GRB10: variants seen among roughly 807,000 people sequenced by gnomAD.
GRB10 encodes the protein growth factor receptor-bound protein 10.
In GRB10, 20 loss-of-function variants were observed where a neutral mutation model predicts 80.9. The observed-to-expected ratio is 0.25, with a 90% CI of 0.17 to 0.36. The LOEUF is 0.36. GRB10 is among the 10% of genes least tolerant of loss of function. GRB10 has a pLI of 1.00. For missense variants in GRB10, 548 were observed against 747.7 expected, an observed-to-expected ratio of 0.73 and a Z score of 3.12; for synonymous variants, 291 against 291.5, an observed-to-expected ratio of 1.00 and a Z score of 0.02.
At chr7:50,622,325 C>T (rs780789586) in intron 8 of GRB10, among the ~76,000 whole-genome samples, 9 of 152,196 alleles carry the variant, frequency 5.9e-5, no homozygotes, top group African/African-American at 9.7e-5. Context: ...AGTCAACAGG[C>T]GCCGGCTGTT....
chr7:50,754,432 T>C (rs1021910031), intron 3 of GRB10, among the ~76,000 whole-genome samples: 5 of 151,916 alleles, frequency 3.3e-5, no homozygotes. Context: ...CAGTGGCAGG[T>C]GGGGGAGGTC....
At chr7:50,729,973 T>G (rs2069368812) in intron 4 of GRB10, among the ~76,000 whole-genome samples, 1 of 152,138 alleles carries the variant, frequency 6.6e-6, no homozygotes, top group Non-Finnish European at 1.5e-5. Flanking sequence ...TGACTCAGCT[T>G]CTAAAGGATG....
intron 5 of GRB10, among the ~76,000 whole-genome samples, chr7:50,689,812 G>A (rs561151719): frequency 1.3e-5 from 2 of 151,918 alleles, no homozygotes; most frequent in Non-Finnish European, 2.9e-5. Flanking sequence ...GCAAATGACA[G>A]AGGGTTTTTT....
rs2078182276 is a variant in GRB10 at position 50,780,622 on chromosome 7, C to T, written c.-217+5G>A. 6.6e-6 allele frequency: 1 copy of T among 152,232 alleles called. No homozygotes were observed. Among genetic ancestry groups the T allele is most frequent in the African/African-American group, 2.4e-5 (1 of 41,450 alleles). 9.4% of individuals were successfully genotyped at this position (152,232 alleles called of 1,614,324 possible). ...AGCTCAGAGCTGGGGCCTGGGGATA[C>T]ATACCGAGAGGCAGTCAGCTCTGAT... On this transcript the variant is annotated splice_donor_5th_base_variant and intron_variant, in intron 2 of 18. Coordinates refer to ENST00000401949, the MANE Select transcript of GRB10 (RefSeq NM_001350814.2).
intron 7 of GRB10, among the ~76,000 whole-genome samples, chr7:50,644,259 C>G (rs2056791458): frequency 6.6e-6 from 1 of 152,288 alleles, no homozygotes; most frequent in East Asian, 1.9e-4. Flanking sequence ...GGCCCTGGAA[C>G]TGGGTCCCTA....
At chr7:50,623,918 T>A (rs1457052222) in intron 8 of GRB10, among the ~76,000 whole-genome samples, 2 of 152,196 alleles carry the variant, frequency 1.3e-5, no homozygotes, top group East Asian at 3.8e-4. Context: ...GCATTTCCAT[T>A]GAGCATCAAA....
At chr7:50,649,791 G>T (rs567354270) in intron 7 of GRB10, among the ~76,000 whole-genome samples, 2 of 152,300 alleles carry the variant, frequency 1.3e-5, no homozygotes, top group South Asian at 4.1e-4. Flanking sequence ...TCCAAAGGGG[G>T]AATCAAGGAT....
At chr7:50,700,930 G>C (rs1359911670) in intron 5 of GRB10, among the ~76,000 whole-genome samples, 1 of 152,216 alleles carries the variant, frequency 6.6e-6, no homozygotes, top group Non-Finnish European at 1.5e-5. Flanking sequence ...TCTGTCTGTT[G>C]GGTAGAGGGA....
At chr7:50,741,931 TG>T (rs1473009670) in intron 3 of GRB10, among the ~76,000 whole-genome samples, 2 of 151,948 alleles carry the variant, frequency 1.3e-5, no homozygotes, top group Non-Finnish European at 2.9e-5. Flanking sequence ...TGAAATACAA[TG>T]ATTTTTAATC....
chr7:50,642,790 A>T (rs1367184771), intron 7 of GRB10, among the ~76,000 whole-genome samples: 2 of 152,192 alleles, frequency 1.3e-5, no homozygotes, highest in Non-Finnish European at 2.9e-5. Flanking sequence ...TACATACATT[A>T]GTTTTCTATT....
chr7:50,669,986 G>A (rs2060194916), intron 6 of GRB10, 123 bp from the exon 7 acceptor site: 10 of 1,202,568 alleles, frequency 8.3e-6, no homozygotes, highest in African/African-American at 6.0e-5. Context: ...GCATGCCCAC[G>A]TTCACAGTGG....
intron 7 of GRB10, among the ~76,000 whole-genome samples, chr7:50,668,454 C>G (rs2060032454): frequency 6.6e-6 from 1 of 152,184 alleles, no homozygotes; most frequent in Admixed American, 6.5e-5. Flanking sequence ...GGCTCCGATT[C>G]TGAGGCCGGG....
intron 5 of GRB10, among the ~76,000 whole-genome samples, chr7:50,703,206 C>A (rs915914766): frequency 1.3e-5 from 2 of 152,220 alleles, no homozygotes; most frequent in African/African-American, 4.8e-5. Flanking sequence ...CACATTCCCA[C>A]CAGCTCTAGG....
At chr7:50,711,330 C>CA (rs1306280913) in intron 4 of GRB10, among the ~76,000 whole-genome samples, 1 of 149,652 alleles carries the variant, frequency 6.7e-6, no homozygotes, top group African/African-American at 2.4e-5. Flanking sequence ...CGCAATCCTA[C>CA]ACGACCCACC....
chr7:50,595,364 A>T, intron 18 of GRB10, 73 bp downstream of exon 18: 1 of 850,830 alleles, frequency 1.2e-6, no homozygotes, highest in Non-Finnish European at 2.1e-6. Context: ...GTCGGTTTAT[A>T]ACTTGAAAAT....
chr7:50,619,245 C>T lies in GRB10; in HGVS notation c.702G>A (p.Glu234=), dbSNP rs1385709093. Reference sequence around the variant, plus strand: ...ATTTACTCTCACTGGCCATGGTACTCTCCACCTGGACCACCAGCTCATGGT... The same window carrying T: ...ATTTACTCTCACTGGCCATGGTACTTTCCACCTGGACCACCAGCTCATGGT... ...LEDHELVVQV[E]STMASESKFL... is the part of the protein sequence containing the mutation. The change falls in exon 9 of 19, where the codon GAG becomes GAA. Residue 234 remains glutamate, a synonymous_variant. Coordinates refer to ENST00000401949, the MANE Select transcript of GRB10 (RefSeq NM_001350814.2). 3 of 1,613,382 alleles carry T rather than the reference C, an allele frequency of 1.9e-6. No individual in the cohort carries two copies. Among genetic ancestry groups the T allele is most frequent in the African/African-American group, 1.3e-5 (1 of 74,936 alleles).
intron 8 of GRB10, among the ~76,000 whole-genome samples, chr7:50,620,842 T>C (rs1271745611): frequency 1.3e-5 from 2 of 152,162 alleles, no homozygotes; most frequent in Non-Finnish European, 2.9e-5. Flanking sequence ...GGAAAACAAA[T>C]CAATGACTTC....
intron 4 of GRB10, among the ~76,000 whole-genome samples, chr7:50,717,847 T>C (rs1277799000): frequency 2.0e-5 from 3 of 152,158 alleles, no homozygotes; most frequent in Admixed American, 1.3e-4. Flanking sequence ...CACAGATCGG[T>C]TCACCCTGTG....
intron 5 of GRB10, among the ~76,000 whole-genome samples, chr7:50,693,038 T>C (rs2063011715): frequency 6.6e-6 from 1 of 152,104 alleles, no homozygotes; most frequent in Non-Finnish European, 1.5e-5. Flanking sequence ...GCATCATTAT[T>C]TTTGCCAATA....
Sources: allele counts gnomAD v4.1 joint callset (sites outside exome capture counted in the v4.1 genomes callset), GRCh38; gene constraint gnomAD v4.1.1; transcripts MANE v1.5; gene names NCBI Gene and HGNC (gene_info 2026-07-23, HGNC 2026-07-21).